GRIK2: variants seen among roughly 807,000 people sequenced by gnomAD.
The protein encoded by GRIK2 is glutamate receptor ionotropic, kainate 2.
In GRIK2, 32 loss-of-function variants were observed where a neutral mutation model predicts 100.3. That is an observed-to-expected ratio of 0.32 (90% CI 0.24 to 0.43). The LOEUF is 0.43. Ranked by LOEUF, GRIK2 falls within the 20% of genes least tolerant of loss-of-function variation. GRIK2 has a pLI of 1.00. For missense variants in GRIK2, 843 were observed against 1,114.9 expected (o/e 0.76, Z 3.47); for synonymous variants, 417 against 389.4 (o/e 1.07, Z -0.83).
At position 101,428,061 on chromosome 6, in the gene GRIK2, G is replaced by A. The variant is rs562176355; in HGVS notation, c.115+28669G>A. Reference sequence around the variant, plus strand: ...AGATTTTCTTTAATTAGCTCATTAGGAATTAATATCTGTGTTTGAATTACA... The same window carrying A: ...AGATTTTCTTTAATTAGCTCATTAGAAATTAATATCTGTGTTTGAATTACA... On this transcript the variant is annotated intron_variant, in intron 2 of 16. Transcript: ENST00000369134. 2.6e-5 allele frequency among the ~76,000 whole-genome samples: 4 copies of A among 152,176 alleles called. No homozygotes were observed. The East Asian group carries it at 7.7e-4, about 29-fold the overall frequency.
At chr6:102,055,699 T>A (rs533302389) in intron 16 of GRIK2, 119 bp downstream of exon 16, 1 of 663,068 alleles carries the variant, frequency 1.5e-6, no homozygotes. Context: ...TTGCTCTAAA[T>A]TGTCTTATGT....
At position 101,610,491 on chromosome 6, in the gene GRIK2, G is replaced by C. The variant is rs550660507; in HGVS notation, c.116-11458G>C. Among the ~76,000 whole-genome samples, 7 of 151,572 alleles carry C rather than the reference G, an allele frequency of 4.6e-5. No homozygotes were observed. The East Asian group carries it at 1.4e-3, about 30-fold the overall frequency. Reference sequence around the variant, plus strand: ...ATTGATTGAATTTCATAATATTTTGGCAGATGATTTCTCACATCAATGTAT... The same window carrying C: ...ATTGATTGAATTTCATAATATTTTGCCAGATGATTTCTCACATCAATGTAT... On this transcript the variant is annotated intron_variant, in intron 2 of 16. Transcript: ENST00000369134.
chr6:101,748,910 G>C (rs1277442357), intron 7 of GRIK2, among the ~76,000 whole-genome samples: 2 of 152,088 alleles, frequency 1.3e-5, no homozygotes, highest in African/African-American at 2.4e-5. Context: ...ATTTTAGCCT[G>C]ACAGTAAATA....
At chr6:101,718,568 A>G (rs912622905) in intron 7 of GRIK2, among the ~76,000 whole-genome samples, 1 of 151,946 alleles carries the variant, frequency 6.6e-6, no homozygotes, top group Non-Finnish European at 1.5e-5. Context: ...TATAAATTCC[A>G]TATTCCCAAC....
rs1582430706 is a variant in GRIK2 at position 101,429,381 on chromosome 6, A to G, written c.115+29989A>G. ...AGAGAGAGATGTAGTGCACACCCTAACTACATATGCACTGTCCTTCTTCCC... is the reference window on the plus strand; with the variant it reads ...AGAGAGAGATGTAGTGCACACCCTAGCTACATATGCACTGTCCTTCTTCCC... On this transcript the variant is annotated intron_variant, in intron 2 of 16. Transcript: ENST00000369134. Among the ~76,000 whole-genome samples the G allele has an allele frequency of 3.3e-5, 5 of 152,268 alleles. No homozygotes were observed. The South Asian group carries it at 1.0e-3, about 32-fold the overall frequency.
intron 9 of GRIK2, among the ~76,000 whole-genome samples, chr6:101,814,149 A>C (rs1001405906): frequency 6.6e-6 from 1 of 152,130 alleles, no homozygotes; most frequent in African/African-American, 2.4e-5. Flanking sequence ...AATGTATTTT[A>C]TCTCCCAATT....
intron 12 of GRIK2, among the ~76,000 whole-genome samples, chr6:101,917,073 T>C (rs1789163116): frequency 6.6e-6 from 1 of 151,588 alleles, no homozygotes. Context: ...TCATTTCCTT[T>C]CTTCCTGACA....
At chr6:101,690,633 T>C (rs1183197463) in intron 7 of GRIK2, among the ~76,000 whole-genome samples, 1 of 152,132 alleles carries the variant, frequency 6.6e-6, no homozygotes, top group Non-Finnish European at 1.5e-5. Context: ...CTTGAGCTCA[T>C]TTGCCAAGCC....
intron 2 of GRIK2, among the ~76,000 whole-genome samples, chr6:101,617,966 T>G (rs746043268): frequency 3.3e-5 from 5 of 151,490 alleles, no homozygotes; most frequent in Non-Finnish European, 7.4e-5. Context: ...GTGTGTGTGT[T>G]TTGTCATTTG....
At chr6:101,762,673 T>A (rs896789403) in intron 7 of GRIK2, among the ~76,000 whole-genome samples, 1 of 152,240 alleles carries the variant, frequency 6.6e-6, no homozygotes, top group Non-Finnish European at 1.5e-5. Flanking sequence ...GTTTGATAAA[T>A]GACTCTGTCT....
chr6:101,430,663 C>G (rs1000581790), intron 2 of GRIK2: 1 of 167,900 alleles, frequency 6.0e-6, no homozygotes, highest in Non-Finnish European at 1.3e-5. Flanking sequence ...TGAAGGTGGT[C>G]CCAAGGATGC....
chr6:101,565,030 A>T (rs1234934501), intron 2 of GRIK2, among the ~76,000 whole-genome samples: 1 of 152,058 alleles, frequency 6.6e-6, no homozygotes, highest in Non-Finnish European at 1.5e-5. Context: ...TTAAATCTAG[A>T]CTTTTAAGAT....
At chr6:102,067,048 T>G (rs1183275007) in intron 16 of GRIK2, among the ~76,000 whole-genome samples, 1 of 151,718 alleles carries the variant, frequency 6.6e-6, no homozygotes, top group Non-Finnish European at 1.5e-5. Flanking sequence ...CAGTTTTCTC[T>G]GACACACAGA....
At chr6:101,988,120 TGTGTGTGTGTGTGCGC>T (rs1156502675) in intron 14 of GRIK2, among the ~76,000 whole-genome samples, 2 of 45,704 alleles carry the variant, frequency 4.4e-5, no homozygotes, top group Non-Finnish European at 4.1e-5. Flanking sequence ...TGTGTGTGTG[TGTGTGTGTGTGTGCGC>T]GCGCGCGCGC....
At chr6:101,899,241 T>C (rs1041204695) in intron 12 of GRIK2, among the ~76,000 whole-genome samples, 131 of 151,776 alleles carry the variant, frequency 8.6e-4, no homozygotes, top group African/African-American at 3.0e-3. Context: ...TGCAAACTAT[T>C]CTATTAACTT....
rs761898349 is a variant in GRIK2, at chr6:101,950,580, C to G, written c.2085+21948C>G. 3.9e-4 allele frequency among the ~76,000 whole-genome samples: 59 copies of G among 152,308 alleles called. No homozygotes were observed. The Middle Eastern group carries it at 0.024, about 61-fold the overall frequency. On this transcript the variant is annotated intron_variant, in intron 14 of 16. Transcript: ENST00000369134. ...TTTAGGGCTTCTCTTATCTTCCCCA[C>G]ATTTTCATGACAAATGAAGACTATT...
At chr6:101,756,064 C>G (rs1422774372) in intron 7 of GRIK2, among the ~76,000 whole-genome samples, 1 of 152,102 alleles carries the variant, frequency 6.6e-6, no homozygotes, top group South Asian at 2.1e-4. Context: ...TCCCTCCCCC[C>G]CAGGTTTTGT....
rs1770875423 is a variant in GRIK2, at chr6:101,676,813, T to C, written c.723+9T>C. 1 of 1,518,410 alleles carries C rather than the reference T, an allele frequency of 6.6e-7. No individual in the cohort carries two copies. Among genetic ancestry groups the C allele is most frequent in the Non-Finnish European group, 9.0e-7 (1 of 1,112,432 alleles). 94.1% of individuals were successfully genotyped at this position (1,518,410 alleles called of 1,614,324 possible). A position where few individuals can be genotyped will look rare whatever the true frequency, so the allele number is the denominator to read the frequency against. On this transcript the variant is annotated intron_variant, in intron 5 of 16. Coordinates refer to ENST00000369134, the MANE Select transcript of GRIK2 (RefSeq NM_021956.5). ...CAGGCATTTTAAAACAGGTAACCTT[T>C]AAATTACTTCAATTCTTGTTTTCTT...
intron 4 of GRIK2, among the ~76,000 whole-genome samples, chr6:101,673,136 A>G (rs1219194801): frequency 6.6e-6 from 1 of 152,164 alleles, no homozygotes; most frequent in Non-Finnish European, 1.5e-5. Context: ...TCATTTCCAG[A>G]ATCTACAAGG....
Sources: gnomAD v4.1 joint callset for allele counts (sites outside exome capture counted in the v4.1 genomes callset) on GRCh38, gnomAD v4.1.1 for gene constraint, MANE v1.5 for transcripts, NCBI Gene and HGNC (gene_info 2026-07-23, HGNC 2026-07-21) for gene names.